Variants in FSD1L observed in about 807,000 individuals in gnomAD.
The protein encoded by FSD1L is fibronectin type III and SPRY domain containing 1 like.
In FSD1L, 45 loss-of-function variants were observed where a neutral mutation model predicts 71.6. That is an observed-to-expected ratio of 0.63 (90% CI 0.49 to 0.81). The LOEUF is 0.81. Ranked by LOEUF, FSD1L falls within the 30% of genes least tolerant of loss-of-function variation. FSD1L has a pLI of 0.00. For synonymous variants in FSD1L, 197 were observed against 207.2 expected, an observed-to-expected ratio of 0.95 and a Z score of 0.42; for missense variants, 561 against 618.1, an observed-to-expected ratio of 0.91 and a Z score of 0.98.
intron 6 of FSD1L, among the ~76,000 whole-genome samples, chr9:105,481,776 ATT>A (rs200208077): frequency 5.6e-5 from 8 of 143,868 alleles, no homozygotes; most frequent in Non-Finnish European, 3.1e-5. Context: ...CAAAGAAAGG[ATT>A]TTTTTTTTTT....
At chr9:105,459,103 C>T (rs1174450227) in intron 1 of FSD1L, among the ~76,000 whole-genome samples, 5 of 152,158 alleles carry the variant, frequency 3.3e-5, no homozygotes, top group Non-Finnish European at 2.9e-5. Flanking sequence ...CCTTGTATAC[C>T]TCCTAGATTA....
upstream of FSD1L, chr9:105,447,952 C>G (rs988374617): frequency 5.6e-6 from 3 of 533,074 alleles, no homozygotes; most frequent in African/African-American, 4.1e-5. Flanking sequence ...GCTCCCCACC[C>G]TCCACGGCTA....
intron 5 of FSD1L, 51 bp from the exon 6 acceptor site, chr9:105,479,303 C>T: frequency 1.3e-6 from 2 of 1,530,550 alleles, no homozygotes; most frequent in South Asian, 2.4e-5. Context: ...TTGAAACTTG[C>T]ATGAAAAGCA....
intron 5 of FSD1L, among the ~76,000 whole-genome samples, chr9:105,478,095 A>T (rs1332554324): frequency 3.3e-5 from 5 of 152,150 alleles, no homozygotes; most frequent in Non-Finnish European, 7.4e-5. Context: ...ATACAAAAAA[A>T]TTTGCCGGGC....
chr9:105,508,686 A>G lies in FSD1L; in HGVS notation c.866A>G (p.Tyr289Cys). 1.9e-6 allele frequency: 3 copies of G among 1,550,372 alleles called. No individual in the cohort carries two copies. The highest frequency in any genetic ancestry group is 1.7e-6 in the Non-Finnish European group (2 of 1,145,616). ...RACNKAVAGE[Y>C]SDPVTLETKA... Reference sequence around the variant, plus strand: ...TGTAACAAGGCTGTGGCTGGAGAGTATTCTGATCCAGTGACTCTAGAGACC... The same window carrying G: ...TGTAACAAGGCTGTGGCTGGAGAGTGTTCTGATCCAGTGACTCTAGAGACC... Residue 289 changes from tyrosine to cysteine, a missense_variant, in exon 9 of 14, where the codon TAT (tyrosine) becomes TGT (cysteine). Around this residue, in one of 3 missense-constraint regions of FSD1L, gnomAD observed 410 missense variants for 413.5 expected, o/e 0.99. Transcript: ENST00000481272.
Position 105,470,958 on chromosome 9 carries a change from C to T in FSD1L, c.340-946C>T, listed in dbSNP as rs1019326816. On this transcript the variant is annotated intron_variant, in intron 4 of 13. Coordinates refer to ENST00000481272, the MANE Select transcript of FSD1L (RefSeq NM_001145313.3). ...TGTTCTGTTTTGGACCCAGACCCTT[C>T]TTCACAGCACCACTTTGGAATGGCC... 3.3e-5 allele frequency among the ~76,000 whole-genome samples: 5 copies of T among 152,196 alleles called. No homozygotes were observed. In the South Asian group the frequency reaches 1.0e-3, roughly 31 times the overall value.
chr9:105,488,768 CT>C (rs1554706066), intron 7 of FSD1L, among the ~76,000 whole-genome samples: 6 of 139,562 alleles, frequency 4.3e-5, no homozygotes, highest in Admixed American at 4.3e-4. Context: ...GTCTGTATGT[CT>C]TTTTTGGTGA....
chr9:105,541,498 T>G (rs1269380269), intron 13 of FSD1L, among the ~76,000 whole-genome samples: 1 of 152,062 alleles, frequency 6.6e-6, no homozygotes, highest in Non-Finnish European at 1.5e-5. Flanking sequence ...TTGTTTTTCA[T>G]TCCAAATAAT....
At chr9:105,533,178 A>G (rs1480807521) in intron 10 of FSD1L, among the ~76,000 whole-genome samples, 4 of 152,088 alleles carry the variant, frequency 2.6e-5, no homozygotes, top group Non-Finnish European at 5.9e-5. Flanking sequence ...TTGACCAAAA[A>G]ATCTTTTGTT....
upstream of FSD1L, among the ~76,000 whole-genome samples, chr9:105,443,308 T>C (rs1443902747): frequency 1.4e-5 from 2 of 146,862 alleles, no homozygotes; most frequent in African/African-American, 2.7e-5. Flanking sequence ...ACATCCTACA[T>C]TGGCAGCAGA....
intron 10 of FSD1L, among the ~76,000 whole-genome samples, chr9:105,519,811 T>A (rs972548547): frequency 1.3e-5 from 2 of 151,880 alleles, no homozygotes; most frequent in African/African-American, 2.4e-5. Context: ...CCCCGGCCTG[T>A]GGCGGCGAGC....
intron 13 of FSD1L, among the ~76,000 whole-genome samples, chr9:105,545,145 C>A (rs1330705641): frequency 6.6e-6 from 1 of 151,686 alleles, no homozygotes; most frequent in Non-Finnish European, 1.5e-5. Context: ...TCTTTCACAT[C>A]CCGTGTAAGT....
At chr9:105,456,819 C>T (rs899514291) in intron 1 of FSD1L, among the ~76,000 whole-genome samples, 17 of 152,206 alleles carry the variant, frequency 1.1e-4, no homozygotes, top group Non-Finnish European at 1.5e-5. Flanking sequence ...AACATGTCTT[C>T]AGACCTGTGT....
upstream of FSD1L, chr9:105,447,896 A>C: frequency 1.1e-5 from 5 of 461,606 alleles, no homozygotes; most frequent in Non-Finnish European, 1.5e-5. Flanking sequence ...GGATGGGGGA[A>C]GGGAGTGCAG....
chr9:105,458,217 G>A (rs1219632737), intron 1 of FSD1L, among the ~76,000 whole-genome samples: 1 of 152,194 alleles, frequency 6.6e-6, no homozygotes, highest in Non-Finnish European at 1.5e-5. Context: ...CTCTGGCTCA[G>A]GGAATCCCGA....
intron 7 of FSD1L, among the ~76,000 whole-genome samples, chr9:105,500,147 T>C (rs190360267): frequency 1.4e-4 from 21 of 152,380 alleles, no homozygotes; most frequent in Non-Finnish European, 2.9e-4. Context: ...TAGCTGTTTT[T>C]AATTATTGGT....
At chr9:105,483,222 T>C (rs1832325776) in intron 6 of FSD1L, among the ~76,000 whole-genome samples, 1 of 152,186 alleles carries the variant, frequency 6.6e-6, no homozygotes, top group Non-Finnish European at 1.5e-5. Flanking sequence ...TGTTTACTCA[T>C]TGTTACTATT....
At chr9:105,487,493 T>A (rs1832627940) in intron 7 of FSD1L, among the ~76,000 whole-genome samples, 2 of 152,174 alleles carry the variant, frequency 1.3e-5, no homozygotes, top group Non-Finnish European at 2.9e-5. Context: ...TTTCTTTAAG[T>A]ATGAATGAGT....
At chr9:105,489,843 T>C (rs1354495984) in intron 7 of FSD1L, among the ~76,000 whole-genome samples, 2 of 152,342 alleles carry the variant, frequency 1.3e-5, no homozygotes, top group East Asian at 1.9e-4. Flanking sequence ...ACTCATCATT[T>C]TTATGGCTGC....
Sources: allele counts gnomAD v4.1 joint callset (sites outside exome capture counted in the v4.1 genomes callset), GRCh38; gene constraint gnomAD v4.1.1; regional missense constraint gnomAD v4.1.1; transcripts MANE v1.5; gene names NCBI Gene and HGNC (gene_info 2026-07-23, HGNC 2026-07-21).